The following PCDH15 variants were observed in gnomAD, a reference collection of about 807,000 sequenced individuals.
PCDH15 encodes the protein protocadherin related 15, also known as protocadherin-15.
A neutral mutation model predicts 178.5 loss-of-function variants in PCDH15; 129 were observed. The observed-to-expected ratio is 0.72, with a 90% CI of 0.63 to 0.84. The LOEUF is 0.84. Among genes scored for constraint, PCDH15 ranks in the 40% least tolerant of loss-of-function variants. The probability of loss-of-function intolerance (pLI) is 0.00; values close to 1 mark genes in which losing one functional copy is unlikely to be tolerated. For synonymous variants in PCDH15, 800 were observed against 732.0 expected (o/e 1.09, Z -1.50); for missense variants, 2,230 against 2,099.9 (o/e 1.06, Z -1.21).
chr10:54,015,564 T>C (rs537131245), intron 20 of PCDH15, among the ~76,000 whole-genome samples: 2 of 152,158 alleles, frequency 1.3e-5, no homozygotes, highest in East Asian at 1.9e-4. Context: ...TATAGACCAA[T>C]GGAACAGAAT....
At chr10:54,164,588 C>T (rs147404410) in intron 13 of PCDH15, among the ~76,000 whole-genome samples, 70 of 152,208 alleles carry the variant, frequency 4.6e-4, no homozygotes, top group African/African-American at 1.6e-3. Context: ...AATATCAGAA[C>T]AGTTAAGTGA....
intron 9 of PCDH15, among the ~76,000 whole-genome samples, chr10:54,218,372 C>A (rs1355142831): frequency 6.6e-6 from 1 of 152,136 alleles, no homozygotes; most frequent in East Asian, 1.9e-4. Flanking sequence ...GTCCCCCTCA[C>A]CATTAACAAT....
At chr10:54,173,367 T>C (rs924702509) in intron 13 of PCDH15, among the ~76,000 whole-genome samples, 12 of 152,286 alleles carry the variant, frequency 7.9e-5, no homozygotes, top group African/African-American at 2.9e-4. Context: ...AATGTGTTAA[T>C]TATTCAACTT....
At chr10:55,017,478 A>G (rs1048497818) in intron 2 of PCDH15, among the ~76,000 whole-genome samples, 1 of 152,158 alleles carries the variant, frequency 6.6e-6, no homozygotes, top group African/African-American at 2.4e-5. Flanking sequence ...CCAGAGATTA[A>G]AGATGAGATA....
At chr10:53,964,429 A>ATAAAATTTTTATAAATTTTATTTATTCG in intron 21 of PCDH15, among the ~76,000 whole-genome samples, 1 of 132,464 alleles carries the variant, frequency 7.5e-6, no homozygotes, top group Non-Finnish European at 1.8e-5. Context: ...TTATTTATTC[A>ATAAAATTTTTATAAATTTTATTTATTCG]TAAAATTTTT....
At chr10:54,165,789 T>G (rs2046164802) in intron 13 of PCDH15, among the ~76,000 whole-genome samples, 2 of 152,152 alleles carry the variant, frequency 1.3e-5, no homozygotes, top group African/African-American at 4.8e-5. Context: ...TTAAATTAAT[T>G]TATAAATAAT....
chr10:55,566,431 T>C (rs1479161660), intron 2 of PCDH15, among the ~76,000 whole-genome samples: 11 of 151,622 alleles, frequency 7.3e-5, no homozygotes, highest in African/African-American at 2.7e-4. Context: ...AGCTTACTAC[T>C]ATTCAATATA....
chr10:53,822,013 T>C (rs780553426), intron 32 of PCDH15: 23 of 1,613,906 alleles, frequency 1.4e-5, no homozygotes, highest in African/African-American at 2.7e-5. Context: ...AGATAGTTTT[T>C]TTCTATTTGA....
At chr10:55,595,995 A>C (rs1298695182) in intron 2 of PCDH15, among the ~76,000 whole-genome samples, 2 of 152,090 alleles carry the variant, frequency 1.3e-5, no homozygotes, top group Non-Finnish European at 2.9e-5. Context: ...TACTTGCATA[A>C]TCAACAGACA....
At position 53,827,457 on chromosome 10, in the gene PCDH15, G is replaced by A. The variant is rs766039931; in HGVS notation, c.4303C>T (p.Pro1435Ser). Residue 1435 changes from proline to serine, a missense_variant, in exon 32 of 38, where the codon CCC becomes TCC. Pro to Ser is a moderately conservative substitution (Grantham distance 74). Coordinates refer to ENST00000644397, the MANE Select transcript of PCDH15 (RefSeq NM_001384140.1). ...GGCGGAGGCGGCGGCGGCGGCGGGG[G>A]CGCTGCCACTGGTGCAGGAGCCGGC... ...AVPAPAPVAA[P>S]PPPPPPPPGA... is the part of the protein sequence containing the mutation. The A allele has an allele frequency of 3.7e-6, 6 of 1,613,736 alleles. No individual in the cohort carries two copies. The highest frequency in any genetic ancestry group is 1.1e-5 in the South Asian group (1 of 91,084).
chr10:53,811,713 C>G, intron 35 of PCDH15, 94 bp from the exon 36 acceptor site: 1 of 659,058 alleles, frequency 1.5e-6, no homozygotes, highest in South Asian at 2.8e-5. Context: ...CCATGATTCT[C>G]AAAACATTCC....
intron 8 of PCDH15, among the ~76,000 whole-genome samples, chr10:54,261,917 T>C (rs139382940): frequency 0.02 from 3,070 of 152,194 alleles, 102 homozygotes; most frequent in African/African-American, 0.065. Flanking sequence ...TGAAAGTTGA[T>C]ACAGAGGTGA....
At chr10:54,472,835 T>C (rs940051678) in intron 3 of PCDH15, among the ~76,000 whole-genome samples, 6 of 152,020 alleles carry the variant, frequency 3.9e-5, no homozygotes, top group Non-Finnish European at 7.4e-5. Flanking sequence ...GGTAGAGGCA[T>C]GGGAAGAGAG....
At chr10:54,950,428 A>G (rs61856267) in intron 2 of PCDH15, among the ~76,000 whole-genome samples, 24,799 of 151,864 alleles carry the variant, frequency 0.16, 2,230 homozygotes, top group East Asian at 0.24. Flanking sequence ...TGAGTCTTAC[A>G]AGATCTGATG....
At chr10:54,597,768 T>G (rs898928838) in intron 2 of PCDH15, among the ~76,000 whole-genome samples, 1 of 151,210 alleles carries the variant, frequency 6.6e-6, no homozygotes, top group Non-Finnish European at 1.5e-5. Flanking sequence ...ACAGAGAAGA[T>G]CCAAATAAAC....
intron 2 of PCDH15, among the ~76,000 whole-genome samples, chr10:54,569,044 G>A (rs962379949): frequency 6.6e-6 from 1 of 151,108 alleles, no homozygotes; most frequent in Non-Finnish European, 1.5e-5. Context: ...ATTTATTTTG[G>A]AACAATCATA....
chr10:54,189,240 T>C, intron 11 of PCDH15: 1 of 631,536 alleles, frequency 1.6e-6, no homozygotes, highest in Non-Finnish European at 2.7e-6. Flanking sequence ...AAAGTATTTG[T>C]AGATATCCTT....
intron 25 of PCDH15, among the ~76,000 whole-genome samples, chr10:53,925,906 A>G (rs2084504545): frequency 6.6e-6 from 1 of 152,226 alleles, no homozygotes; most frequent in African/African-American, 2.4e-5. Flanking sequence ...GACGCTTGGC[A>G]TAACAATTCC....
intron 1 of PCDH15, among the ~76,000 whole-genome samples, chr10:55,208,293 C>T (rs573423503): frequency 6.6e-6 from 1 of 151,986 alleles, no homozygotes; most frequent in Non-Finnish European, 1.5e-5. Context: ...AAAATCAAAA[C>T]GCTTGTTCCA....
Sources: gnomAD v4.1 joint callset for allele counts (sites outside exome capture counted in the v4.1 genomes callset) on GRCh38, gnomAD v4.1.1 for gene constraint, MANE v1.5 for transcripts, NCBI Gene and HGNC (gene_info 2026-07-23, HGNC 2026-07-21) for gene names.